SPIDR: variants seen among roughly 807,000 people sequenced by gnomAD.
The protein encoded by SPIDR is DNA repair-scaffolding protein.
In SPIDR, 93 loss-of-function variants were observed where a neutral mutation model predicts 104.6. The ratio of observed to expected loss-of-function variants is 0.89; its 90% confidence interval spans 0.75 to 1.06. SPIDR has a LOEUF of 1.06. Among genes scored for constraint, SPIDR ranks in the 50% least tolerant of loss-of-function variants. SPIDR has a pLI of 0.00. For synonymous variants in SPIDR, 431 were observed against 416.9 expected, an observed-to-expected ratio of 1.03 and a Z score of -0.41; for missense variants, 1,154 against 1,111.2, an observed-to-expected ratio of 1.04 and a Z score of -0.55.
intron 5 of SPIDR, among the ~76,000 whole-genome samples, chr8:47,298,665 T>A (rs2041392122): frequency 6.6e-6 from 1 of 152,256 alleles, no homozygotes; most frequent in East Asian, 1.9e-4. Flanking sequence ...TTCAGCTTTC[T>A]ACATATGGCT....
At chr8:47,627,720 A>G (rs1202953615) in intron 10 of SPIDR, among the ~76,000 whole-genome samples, 1 of 151,718 alleles carries the variant, frequency 6.6e-6, no homozygotes, top group Non-Finnish European at 1.5e-5. Context: ...ATCGGTGCTC[A>G]GCGAGTCCCC....
intron 8 of SPIDR, among the ~76,000 whole-genome samples, chr8:47,447,833 C>T (rs1044390895): frequency 6.6e-6 from 1 of 152,210 alleles, no homozygotes; most frequent in Admixed American, 6.5e-5. Flanking sequence ...AGGCAAGACC[C>T]TCTCTCAGCA....
chr8:47,458,999 G>C (rs558831612), intron 8 of SPIDR, among the ~76,000 whole-genome samples: 3 of 152,244 alleles, frequency 2.0e-5, no homozygotes, highest in Admixed American at 6.5e-5. Flanking sequence ...AAACACACTT[G>C]ATCATGGTGG....
intron 5 of SPIDR, among the ~76,000 whole-genome samples, chr8:47,368,817 A>T (rs2057601215): frequency 2.0e-5 from 3 of 152,322 alleles, no homozygotes; most frequent in African/African-American, 7.2e-5. Context: ...AATTCTGGGC[A>T]CGATTTTTAA....
chr8:47,322,556 A>G (rs1476475600), intron 5 of SPIDR, among the ~76,000 whole-genome samples: 1 of 152,208 alleles, frequency 6.6e-6, no homozygotes, highest in African/African-American at 2.4e-5. Flanking sequence ...TAGAACTAGA[A>G]ATACCATTTG....
rs1554574655 is a variant in SPIDR at position 47,298,771 on chromosome 8, C to T, written c.525+4741C>T. Among the ~76,000 whole-genome samples the T allele has an allele frequency of 1.2e-3, 178 of 151,798 alleles. 1 individual carries two copies. The highest frequency in any genetic ancestry group is 3.4e-3 in the African/African-American group (140 of 41,468). On this transcript the variant is annotated intron_variant, in intron 5 of 19. Transcript: ENST00000297423. ...CAAAGATCAGATAGTTGTAGATATGCGGCATTATTTCTGAGGGCTCTGTTC... is the reference window on the plus strand; with the variant it reads ...CAAAGATCAGATAGTTGTAGATATGTGGCATTATTTCTGAGGGCTCTGTTC...
intron 7 of SPIDR, among the ~76,000 whole-genome samples, chr8:47,414,189 A>G (rs537511619): frequency 6.6e-6 from 1 of 152,248 alleles, no homozygotes. Flanking sequence ...TTAATTATTG[A>G]TATTAATACA....
chr8:47,490,499 T>G (rs1396657208), intron 8 of SPIDR, among the ~76,000 whole-genome samples: 2 of 152,208 alleles, frequency 1.3e-5, no homozygotes, highest in African/African-American at 4.8e-5. Flanking sequence ...TTACTGGGTA[T>G]ATACCGAAAG....
chr8:47,685,517 A>ATTTATTTT lies in SPIDR; in HGVS notation c.1685+11579_1685+11580insATTTTTTT, dbSNP rs761792229. Among the ~76,000 whole-genome samples the ATTTATTTT allele has an allele frequency of 3.5e-3, 455 of 130,156 alleles. 10 individuals carry two copies. Among genetic ancestry groups the ATTTATTTT allele is most frequent in the South Asian group, 8.5e-3 (36 of 4,258 alleles). 85.4% of individuals were successfully genotyped at this position (130,156 alleles called of 152,430 possible). A position where few individuals can be genotyped will look rare whatever the true frequency, so the allele number is the denominator to read the frequency against. On this transcript the variant is annotated intron_variant, in intron 11 of 19. Transcript: ENST00000297423. ...TATTTATTTATTTATTTATTTATTT[A>ATTTATTTT]TTTTTTTGAGACAGTCTCTCTCTGT... is the stretch of plus-strand genomic sequence containing the variant.
At chr8:47,343,378 C>A (rs138051489) in intron 5 of SPIDR, among the ~76,000 whole-genome samples, 114 of 152,258 alleles carry the variant, frequency 7.5e-4, no homozygotes, top group African/African-American at 2.6e-3. Context: ...TAGATACTCA[C>A]TAAATGTTTG....
chr8:47,633,565 A>AC (rs1424913331), intron 10 of SPIDR, among the ~76,000 whole-genome samples: 1 of 151,152 alleles, frequency 6.6e-6, no homozygotes, highest in Non-Finnish European at 1.5e-5. Context: ...ATTGAAAAAA[A>AC]AAAAAAAACA....
chr8:47,429,153 G>T (rs1265479058), intron 7 of SPIDR, among the ~76,000 whole-genome samples: 1 of 152,138 alleles, frequency 6.6e-6, no homozygotes, highest in African/African-American at 2.4e-5. Context: ...TTTTAAGTTT[G>T]TATTAACGGA....
At chr8:47,606,481 G>A (rs1464813026) in intron 10 of SPIDR, among the ~76,000 whole-genome samples, 2 of 152,028 alleles carry the variant, frequency 1.3e-5, no homozygotes, top group East Asian at 1.9e-4. Context: ...AGCCGAGATC[G>A]CACCACTGCA....
intron 10 of SPIDR, among the ~76,000 whole-genome samples, chr8:47,658,989 G>GT (rs1175910717): frequency 1.3e-5 from 2 of 151,868 alleles, no homozygotes; most frequent in Non-Finnish European, 2.9e-5. Flanking sequence ...GCCGCACAGT[G>GT]GCTTACACTT....
intron 8 of SPIDR, among the ~76,000 whole-genome samples, chr8:47,536,088 A>AT (rs1587358216): frequency 4.6e-5 from 4 of 87,654 alleles, no homozygotes; most frequent in Admixed American, 1.6e-4. Context: ...TATAATCTAA[A>AT]AATATATATA....
At chr8:47,616,892 C>A (rs1034214837) in intron 10 of SPIDR, among the ~76,000 whole-genome samples, 7 of 152,164 alleles carry the variant, frequency 4.6e-5, no homozygotes, top group Non-Finnish European at 1.5e-5. Context: ...GTTGCAGCAC[C>A]CCATTCGTGA....
At chr8:47,556,003 T>C (rs139873308) in intron 8 of SPIDR, among the ~76,000 whole-genome samples, 103 of 152,330 alleles carry the variant, frequency 6.8e-4, no homozygotes, top group African/African-American at 2.2e-3. Context: ...TTTAAAGATG[T>C]TATAGGTATG....
At chr8:47,372,385 G>GA (rs2058137445) in intron 5 of SPIDR, among the ~76,000 whole-genome samples, 1 of 152,138 alleles carries the variant, frequency 6.6e-6, no homozygotes, top group African/African-American at 2.4e-5. Flanking sequence ...TTAACTTTGG[G>GA]AGTCTGAGGT....
rs140208532 is a variant in SPIDR, at chr8:47,350,072, A to G, written c.526-46304A>G. The stretch of plus-strand genomic sequence containing the variant: ...GCGTCGCTCATGCTGGGAGCTTTAG[A>G]CTGGAGCTGTTCCTATTCAGCCATC... On this transcript the variant is annotated intron_variant, in intron 5 of 19. Coordinates refer to ENST00000297423, the MANE Select transcript of SPIDR (RefSeq NM_001080394.4). Among the ~76,000 whole-genome samples the G allele has an allele frequency of 1.9e-3, 282 of 152,194 alleles. 1 individual carries two copies. The highest frequency in any genetic ancestry group is 6.6e-3 in the African/African-American group (275 of 41,530).
Sources: gnomAD v4.1 joint callset for allele counts (sites outside exome capture counted in the v4.1 genomes callset) on GRCh38, gnomAD v4.1.1 for gene constraint, MANE v1.5 for transcripts, NCBI Gene and HGNC (gene_info 2026-07-23, HGNC 2026-07-21) for gene names.